Variants in MYO9A observed in about 807,000 individuals in gnomAD.
MYO9A encodes the protein unconventional myosin-IXa.
Under a neutral mutation model 293.3 loss-of-function variants are expected in MYO9A, and 103 were observed. The observed-to-expected ratio is 0.35, with a 90% confidence interval of 0.30 to 0.41. MYO9A has a LOEUF of 0.41. MYO9A is among the 10% of genes least tolerant of loss of function. MYO9A has a pLI of 1.00. For missense variants in MYO9A, 2,685 were observed against 3,033.0 expected (o/e 0.89, Z 2.69); for synonymous variants, 1,001 against 1,035.7 (o/e 0.97, Z 0.64).
chr15:71,874,618 A>T (rs2056623760), intron 32 of MYO9A, among the ~76,000 whole-genome samples: 1 of 152,212 alleles, frequency 6.6e-6, no homozygotes. Flanking sequence ...TACATAGAGA[A>T]CTATAACGGG....
At chr15:71,893,146 C>T (rs1281365727) in intron 26 of MYO9A, 41 of 1,284,070 alleles carry the variant, frequency 3.2e-5, no homozygotes, top group Non-Finnish European at 3.8e-5. Flanking sequence ...CCGCGCCATT[C>T]GAGCTTTCTT....
At chr15:72,053,773 G>C (rs1352868396) in intron 1 of MYO9A, among the ~76,000 whole-genome samples, 1 of 152,060 alleles carries the variant, frequency 6.6e-6, no homozygotes, top group Non-Finnish European at 1.5e-5. Flanking sequence ...TTTATCTAAA[G>C]AACCAACCTG....
At chr15:72,083,832 T>G (rs773504598) in intron 1 of MYO9A, among the ~76,000 whole-genome samples, 24 of 152,366 alleles carry the variant, frequency 1.6e-4, no homozygotes, top group Non-Finnish European at 2.9e-4. Flanking sequence ...TAGATGTGAC[T>G]TCTAATTTTA....
chr15:72,117,213 G>T (rs1409917617), intron 1 of MYO9A: 2 of 152,288 alleles, frequency 1.3e-5, no homozygotes, highest in African/African-American at 2.4e-5. Context: ...GATGGCTAGG[G>T]TTAGTGCTAG....
At chr15:72,026,569 G>A (rs919056540) in intron 4 of MYO9A, among the ~76,000 whole-genome samples, 9 of 150,720 alleles carry the variant, frequency 6.0e-5, no homozygotes. Context: ...CCCAAAGCAA[G>A]CAGAAGGAAG....
At chr15:72,084,642 T>C (rs2079657395) in intron 1 of MYO9A, among the ~76,000 whole-genome samples, 1 of 152,224 alleles carries the variant, frequency 6.6e-6, no homozygotes, top group Non-Finnish European at 1.5e-5. Flanking sequence ...TCAGGAGCTC[T>C]TGTAAGACAC....
chr15:71,843,325 A>G (rs2055245382), intron 39 of MYO9A, among the ~76,000 whole-genome samples: 1 of 152,134 alleles, frequency 6.6e-6, no homozygotes, highest in Non-Finnish European at 1.5e-5. Flanking sequence ...GCTACTTGGA[A>G]AGCTGAGGCA....
rs1023630141 is a variant in MYO9A at position 71,825,616 on chromosome 15, T to TTGAGTC, written c.*958_*963dup. On this transcript the variant is annotated 3_prime_UTR_variant, in exon 42 of 42. Coordinates refer to ENST00000356056, the MANE Select transcript of MYO9A (RefSeq NM_006901.4). ...ACGGTCACATTATTTGTTTGTTTGT[T>TTGAGTC]TGAGTCTGAGTCTGTGGTGGGAATC... 11 of 152,352 alleles carry TTGAGTC rather than the reference T, an allele frequency of 7.2e-5. No individual in the cohort carries two copies. The highest frequency in any genetic ancestry group is 1.9e-4 in the African/African-American group (8 of 41,574). The allele number at this position is 152,352 out of a possible 1,614,324, so 9.4% of individuals were successfully genotyped here. A position where few individuals can be genotyped will look rare whatever the true frequency, so the allele number is the denominator to read the frequency against.
chr15:72,057,905 G>T (rs1462532649), intron 1 of MYO9A, among the ~76,000 whole-genome samples: 2 of 152,116 alleles, frequency 1.3e-5, no homozygotes, highest in Non-Finnish European at 2.9e-5. Flanking sequence ...CTCTGAGGTA[G>T]GTTTCTGTTC....
chr15:71,858,444 C>T (rs2055958812), intron 34 of MYO9A: 1 of 152,202 alleles, frequency 6.6e-6, no homozygotes, highest in East Asian at 1.9e-4. Context: ...AGGATGAGTT[C>T]ATGTCCTTTG....
intron 1 of MYO9A, among the ~76,000 whole-genome samples, chr15:72,070,128 CAAAA>C (rs936332297): frequency 2.0e-5 from 1 of 49,016 alleles, no homozygotes. Flanking sequence ...GACTATGTCT[CAAAA>C]AAAAAAAAAA....
chr15:72,052,117 G>C (rs763306941), intron 1 of MYO9A, among the ~76,000 whole-genome samples: 4 of 152,102 alleles, frequency 2.6e-5, no homozygotes, highest in Non-Finnish European at 5.9e-5. Context: ...CCCACCCCAG[G>C]GTCTCCTCTC....
chr15:71,998,745 C>T (rs917506799), intron 9 of MYO9A, among the ~76,000 whole-genome samples: 2 of 151,740 alleles, frequency 1.3e-5, no homozygotes, highest in Non-Finnish European at 2.9e-5. Flanking sequence ...CACCGCACAA[C>T]AGTCCCCAGA....
In MYO9A at chr15:71,994,473, G is replaced by C; in HGVS notation, c.1583C>G (p.Thr528Ser). ...LLNSKDLEHNTKTLSIGVLDI... is the reference protein window; with the variant it reads ...LLNSKDLEHNSKTLSIGVLDI... ...TATAATCCAATATATCATTACCTTGGTATTATGCTCTAAATCTTTACTATT... is the reference window on the plus strand; with the variant it reads ...TATAATCCAATATATCATTACCTTGCTATTATGCTCTAAATCTTTACTATT... Residue 528 changes from threonine (T) to serine (S), a missense_variant, in exon 10 of 42, where the codon ACC becomes AGC. Thr to Ser is a moderately conservative substitution (Grantham distance 58, BLOSUM62 1). Around this residue, in one of 10 missense-constraint regions of MYO9A, gnomAD observed 201 missense variants for 245.2 expected, o/e 0.82. Coordinates refer to ENST00000356056, the MANE Select transcript of MYO9A (RefSeq NM_006901.4). 6.4e-7 allele frequency: 1 copy of C among 1,552,810 alleles called. No homozygotes were observed. Among genetic ancestry groups the C allele is most frequent in the South Asian group, 1.2e-5 (1 of 84,784 alleles).
At chr15:72,103,462 A>AAGC (rs1182274305) in intron 1 of MYO9A, among the ~76,000 whole-genome samples, 4 of 149,062 alleles carry the variant, frequency 2.7e-5, no homozygotes, top group Non-Finnish European at 6.0e-5. Context: ...GCAGAAGAAG[A>AAGC]AGCAGCAGCA....
In MYO9A at chr15:71,897,950, T is replaced by G; in HGVS notation, c.4553A>C (p.Gln1518Pro). Residue 1518 changes from glutamine (Q) to proline (P), a missense_variant, in exon 25 of 42, where the codon CAG becomes CCG. This residue lies in a region of MYO9A where 1,434 missense variants were observed against 1,497.7 expected (regional missense o/e 0.96). Coordinates refer to ENST00000356056, the MANE Select transcript of MYO9A (RefSeq NM_006901.4). The part of the protein sequence containing the change: ...NEKEMMEQIR[Q>P]QTDILEKERK... ...CTCCTTCTCTAAAATATCTGTTTGC[T>G]GGCGAATCTGTTCCATCATCTCTTT... is the stretch of plus-strand genomic sequence containing the variant. 6.2e-7 allele frequency: 1 copy of G among 1,614,228 alleles called. No homozygotes were observed. Among genetic ancestry groups the G allele is most frequent in the Non-Finnish European group, 8.5e-7 (1 of 1,180,046 alleles).
intron 11 of MYO9A, among the ~76,000 whole-genome samples, chr15:71,990,681 C>T (rs1419469679): frequency 2.0e-5 from 3 of 151,048 alleles, no homozygotes; most frequent in East Asian, 2.0e-4. Context: ...GGCATGAACC[C>T]GCGAGGCGGA....
At chr15:71,952,996 A>G (rs2059088144) in intron 14 of MYO9A, among the ~76,000 whole-genome samples, 1 of 152,210 alleles carries the variant, frequency 6.6e-6, no homozygotes, top group African/African-American at 2.4e-5. Flanking sequence ...TGGAGAGGGA[A>G]TCTAATACCA....
chr15:71,948,648 C>A (rs535423725), intron 15 of MYO9A, among the ~76,000 whole-genome samples: 173 of 152,296 alleles, frequency 1.1e-3, no homozygotes, highest in Non-Finnish European at 2.3e-3. Context: ...AATTTGCCAA[C>A]CCCTACTATA....
Sources: gnomAD v4.1 joint callset for allele counts (sites outside exome capture counted in the v4.1 genomes callset) on GRCh38, gnomAD v4.1.1 for gene constraint, gnomAD v4.1.1 regional missense constraint, MANE v1.5 for transcripts, NCBI Gene and HGNC (gene_info 2026-07-23, HGNC 2026-07-21) for gene names.